PLXNA4: variants seen among roughly 807,000 people sequenced by gnomAD.
PLXNA4 encodes plexin A4, also known as plexin-A4.
In PLXNA4, 44 loss-of-function variants were observed where a neutral mutation model predicts 191.8. That is an observed-to-expected ratio of 0.23 (90% CI 0.18 to 0.29). The LOEUF (loss-of-function observed/expected upper bound fraction) is 0.29, where lower values mean the gene tolerates loss of function less well. PLXNA4 is among the 10% of genes least tolerant of loss of function. The pLI is 1.00. For missense variants in PLXNA4, 1,800 were observed against 2,488.8 expected (o/e 0.72, Z 5.89); for synonymous variants, 1,082 against 1,009.5 (o/e 1.07, Z -1.36).
At chr7:132,332,161 G>A (rs62466380) in intron 3 of PLXNA4, among the ~76,000 whole-genome samples, 14,329 of 152,222 alleles carry the variant, frequency 0.094, 869 homozygotes, top group Admixed American at 0.2. Flanking sequence ...TACCTGTGAA[G>A]GGAGTGGAAG....
At chr7:132,454,790 C>T (rs924969023) in intron 3 of PLXNA4, among the ~76,000 whole-genome samples, 1 of 151,914 alleles carries the variant, frequency 6.6e-6, no homozygotes, top group Non-Finnish European at 1.5e-5. Context: ...AAGAGAGAAG[C>T]CTGAGGAGAA....
chr7:132,529,525 C>T (rs1039356252), intron 1 of PLXNA4, among the ~76,000 whole-genome samples: 4 of 152,080 alleles, frequency 2.6e-5, no homozygotes, highest in African/African-American at 7.2e-5. Context: ...ACACAGATTT[C>T]AGCACCCCAC....
intron 3 of PLXNA4, among the ~76,000 whole-genome samples, chr7:132,391,170 C>G (rs747818529): frequency 1.3e-5 from 2 of 152,124 alleles, no homozygotes; most frequent in Non-Finnish European, 2.9e-5. Context: ...CTGGCAGGAG[C>G]AGGTATGTGC....
chr7:132,630,577 T>A (rs894210088), intron 2 of PLXNA4, among the ~76,000 whole-genome samples: 1 of 152,154 alleles, frequency 6.6e-6, no homozygotes, highest in Non-Finnish European at 1.5e-5. Context: ...AATGGCACAA[T>A]CTTGGCTCAC....
chr7:132,502,867 GC>G (rs1563137642), intron 2 of PLXNA4, among the ~76,000 whole-genome samples: 1 of 152,126 alleles, frequency 6.6e-6, no homozygotes, highest in African/African-American at 2.4e-5. Context: ...TTTCCAGACA[GC>G]CGGGAGGTCT....
intron 3 of PLXNA4, among the ~76,000 whole-genome samples, chr7:132,435,326 T>C (rs1469884160): frequency 2.0e-5 from 3 of 152,104 alleles, no homozygotes; most frequent in Admixed American, 2.0e-4. Context: ...TTCTGGAATC[T>C]AGACAACATC....
intron 3 of PLXNA4, among the ~76,000 whole-genome samples, chr7:132,448,531 G>A (rs1235437891): frequency 1.3e-5 from 2 of 152,176 alleles, no homozygotes; most frequent in African/African-American, 4.8e-5. Context: ...GGTGGGGTGA[G>A]GAGGACGAGG....
chr7:132,552,228 C>T (rs1800594226), intron 1 of PLXNA4, among the ~76,000 whole-genome samples: 2 of 152,204 alleles, frequency 1.3e-5, no homozygotes, highest in Non-Finnish European at 2.9e-5. Flanking sequence ...TCCAGGATCA[C>T]AGCTGGCAGA....
chr7:132,194,259 C>A (rs1208389846), intron 13 of PLXNA4, 80 bp from the exon 14 acceptor site: 3 of 1,509,466 alleles, frequency 2.0e-6, no homozygotes, highest in South Asian at 1.3e-5. Flanking sequence ...CTACCCAGGT[C>A]CCTTTCTCCA....
chr7:132,374,121 C>G (rs1008632589), intron 3 of PLXNA4, among the ~76,000 whole-genome samples: 3 of 152,216 alleles, frequency 2.0e-5, no homozygotes, highest in Admixed American at 6.5e-5. Flanking sequence ...GGCTCCCGTT[C>G]ATTCCCATTT....
At chr7:132,449,026 A>AATTGG (rs3067110) in intron 3 of PLXNA4, among the ~76,000 whole-genome samples, 35,363 of 151,896 alleles carry the variant, frequency 0.23, 7,257 homozygotes, top group African/African-American at 0.54. Context: ...CTTTGAATTG[A>AATTGG]ATTGGATTGG....
chr7:132,489,570 A>G (rs1448539991), intron 2 of PLXNA4, 96 bp from the exon 3 acceptor site: 22 of 1,072,656 alleles, frequency 2.1e-5, no homozygotes, highest in Middle Eastern at 3.0e-4. Flanking sequence ...GAATCCTTAG[A>G]GATGAAACAT....
At chr7:132,579,581 C>T (rs1394963151), upstream of PLXNA4, among the ~76,000 whole-genome samples, 1 of 147,846 alleles carries the variant, frequency 6.8e-6, no homozygotes, top group Admixed American at 6.7e-5. Context: ...TTCTTTATCT[C>T]CTGCCTAGTG....
chr7:132,381,367 C>T lies in PLXNA4; in HGVS notation c.1372-83145G>A, dbSNP rs141685302. Among the ~76,000 whole-genome samples, 111 of 152,208 alleles carry T rather than the reference C, an allele frequency of 7.3e-4. No homozygotes were observed. In the East Asian group the frequency reaches 0.02, roughly 28 times the overall value. ...ATTGTACACTTGAGACAGTGTCCTA[C>T]AAGATATAAGATAAAAAAGAAGTGA... On this transcript the variant is annotated intron_variant, in intron 3 of 31. Coordinates refer to ENST00000321063, the MANE Select transcript of PLXNA4 (RefSeq NM_020911.2).
At chr7:132,345,550 G>T (rs1304018583) in intron 3 of PLXNA4, among the ~76,000 whole-genome samples, 1 of 152,150 alleles carries the variant, frequency 6.6e-6, no homozygotes, top group Admixed American at 6.5e-5. Flanking sequence ...ATAATCCATG[G>T]TTCTAACACA....
chr7:132,387,702 C>G (rs187621860), intron 3 of PLXNA4, among the ~76,000 whole-genome samples: 3 of 152,230 alleles, frequency 2.0e-5, no homozygotes, highest in African/African-American at 7.2e-5. Flanking sequence ...GCAGAGAGCC[C>G]AAGGTCAGGG....
In PLXNA4 at chr7:132,482,379, A is replaced by G. The variant is rs543626409; in HGVS notation, c.1371+6913T>C. On this transcript the variant is annotated intron_variant, in intron 3 of 31. Transcript: ENST00000321063. ...CACGTGGCCTCATGGAGGGGCCCAC[A>G]TGGCAATGTAGGGATCTCTCAAGTG... 2.0e-4 allele frequency among the ~76,000 whole-genome samples: 31 copies of G among 152,280 alleles called. No homozygotes were observed. In the East Asian group the frequency reaches 5.6e-3, roughly 28 times the overall value.
intron 3 of PLXNA4, among the ~76,000 whole-genome samples, chr7:132,406,314 GTCAC>G (rs939727458): frequency 1.4e-4 from 21 of 152,172 alleles, no homozygotes; most frequent in African/African-American, 5.1e-4. Context: ...CATTAGATAA[GTCAC>G]TCACGCACTT....
At chr7:132,447,110 G>A (rs541311222) in intron 3 of PLXNA4, among the ~76,000 whole-genome samples, 3 of 151,786 alleles carry the variant, frequency 2.0e-5, no homozygotes, top group East Asian at 1.9e-4. Flanking sequence ...TTCTGGCCCC[G>A]CTCCACTGCC....
Sources: allele counts gnomAD v4.1 joint callset (sites outside exome capture counted in the v4.1 genomes callset), GRCh38; gene constraint gnomAD v4.1.1; transcripts MANE v1.5; gene names NCBI Gene and HGNC (gene_info 2026-07-23, HGNC 2026-07-21).